Variants in BICRA observed in about 807,000 individuals in gnomAD.
BICRA encodes BRD4-interacting chromatin-remodeling complex-associated protein.
Under a neutral mutation model 96.9 loss-of-function variants are expected in BICRA, and 31 were observed. The observed-to-expected ratio is 0.32, with a 90% CI of 0.24 to 0.43. The LOEUF (loss-of-function observed/expected upper bound fraction) is 0.43. Ranked by LOEUF, BICRA falls within the 20% of genes least tolerant of loss-of-function variation. The probability of loss-of-function intolerance (pLI) is 1.00; values close to 1 mark genes in which losing one functional copy is unlikely to be tolerated. For synonymous variants in BICRA, 1,350 were observed against 1,071.8 expected (o/e 1.26, Z -5.07); for missense variants, 2,283 against 2,190.3 (o/e 1.04, Z -0.84).
chr19:47,694,256 A>T lies in BICRA; in HGVS notation c.2425A>T (p.Ser809Cys). The T allele has an allele frequency of 2.2e-6, 1 of 460,756 alleles. No homozygotes were observed. The highest frequency in any genetic ancestry group is 3.1e-6 in the Non-Finnish European group (1 of 323,822). The allele number at this position is 460,756 out of a possible 1,614,324, so 28.5% of individuals were successfully genotyped here. The change falls in exon 8 of 15, where the codon AGT (serine) becomes TGT (cysteine). Residue 809 changes from serine to cysteine, a missense_variant. Ser to Cys is a moderately radical substitution (Grantham distance 112). Transcript: ENST00000594866. The stretch of plus-strand genomic sequence containing the variant: ...TTCCCGCCCACCCTCCCGGCCACAG[A>T]GTGTGTCCCGCCCTCCCTCAGAGCC... Reference protein sequence around the residue: ...PPSRPPSRPQSVSRPPSEPPL... With the variant: ...PPSRPPSRPQCVSRPPSEPPL...
chr19:47,687,337 T>A (rs1405302896), intron 7 of BICRA, among the ~76,000 whole-genome samples: 1 of 152,224 alleles, frequency 6.6e-6, no homozygotes, highest in Non-Finnish European at 1.5e-5. Context: ...TTCAACTGTT[T>A]AAAAATGTAA....
rs773690432 is a variant in BICRA, at chr19:47,694,690, G to T, written c.2859G>T (p.Leu953=). 4.4e-6 allele frequency: 7 copies of T among 1,578,164 alleles called. No homozygotes were observed. In the African/African-American group the frequency reaches 9.6e-5, roughly 22 times the overall value. ...TGGTGACCACCCCCTTCCCAGCGCTGCCCCAGCCGAAGGCTCTTCTCGAGA... is the reference window on the plus strand; with the variant it reads ...TGGTGACCACCCCCTTCCCAGCGCTTCCCCAGCCGAAGGCTCTTCTCGAGA... ...FQMVTTPFPA[L]PQPKALLERF... The change falls in exon 8 of 15, where the codon CTG becomes CTT. Residue 953 remains leucine (L), a synonymous_variant. Transcript: ENST00000594866.
In BICRA at chr19:47,701,817, C is replaced by T. The variant is rs560545496; in HGVS notation, c.4085C>T (p.Thr1362Met). 5.9e-6 allele frequency: 9 copies of T among 1,532,702 alleles called. 1 individual carries two copies. Among genetic ancestry groups the T allele is most frequent in the Admixed American group, 4.0e-5 (2 of 50,290 alleles). The allele number at this position is 1,532,702 out of a possible 1,614,324, so 94.9% of individuals were successfully genotyped here. A position where few individuals can be genotyped will look rare whatever the true frequency, so the allele number is the denominator to read the frequency against. The change falls in exon 15 of 15, where the codon ACG (threonine) becomes ATG (methionine). Residue 1362 changes from threonine to methionine, a missense_variant. Coordinates refer to ENST00000594866, the MANE Select transcript of BICRA (RefSeq NM_001394372.1). This position sits in a 1 kb window ranked among gnomAD's most constrained non-coding sequence, Gnocchi z 5.4. ...PPPPTGQMNG[T>M]VDHPPPAAPE... ...CCGCCCACGGGCCAGATGAACGGCACGGTGGACCACCCGCCGCCTGCCGCC... is the reference window on the plus strand; with the variant it reads ...CCGCCCACGGGCCAGATGAACGGCATGGTGGACCACCCGCCGCCTGCCGCC...
intron 1 of BICRA, among the ~76,000 whole-genome samples, chr19:47,665,909 A>G (rs1972771506): frequency 6.6e-6 from 1 of 152,238 alleles, no homozygotes; most frequent in Admixed American, 6.5e-5. Flanking sequence ...ATGTGCGGCA[A>G]ACAGCACCAA....
At position 47,701,277 on chromosome 19, in the gene BICRA, C is replaced by A. The variant is rs367973690; in HGVS notation, c.3596-51C>A. 14 of 1,350,424 alleles carry A rather than the reference C, an allele frequency of 1.0e-5. No homozygotes were observed. The highest frequency in any genetic ancestry group is 1.4e-5 in the Non-Finnish European group (13 of 957,206). 83.7% of individuals were successfully genotyped at this position (1,350,424 alleles called of 1,614,324 possible). ...TGCACACAGCTCCTCCCAGCTCGGTCGGGGGGTCCTCATCCTAACCCCGCG... is the reference window on the plus strand; with the variant it reads ...TGCACACAGCTCCTCCCAGCTCGGTAGGGGGGTCCTCATCCTAACCCCGCG... On this transcript the variant is annotated intron_variant, in intron 14 of 14. Transcript: ENST00000594866. The surrounding 1 kb of genome is among the most constrained non-coding windows in gnomAD (Gnocchi z 5.4).
chr19:47,630,353 T>A (rs915356894), intron 1 of BICRA, among the ~76,000 whole-genome samples: 2 of 151,770 alleles, frequency 1.3e-5, no homozygotes, highest in Admixed American at 6.6e-5. Flanking sequence ...GTTTTTTTTT[T>A]AGTAGAGACG....
chr19:47,671,459 C>T (rs990774544), intron 2 of BICRA, among the ~76,000 whole-genome samples: 1 of 152,184 alleles, frequency 6.6e-6, no homozygotes, highest in Admixed American at 6.5e-5. Flanking sequence ...GCTGTAAATT[C>T]CCACCATTCA....
chr19:47,682,060 C>G lies in BICRA; in HGVS notation c.2191C>G (p.Gln731Glu). 1.3e-6 allele frequency: 2 copies of G among 1,537,800 alleles called. No homozygotes were observed. Among genetic ancestry groups the G allele is most frequent in the South Asian group, 2.4e-5 (2 of 84,924 alleles). The change falls in exon 7 of 15, where the codon CAA becomes GAA. Residue 731 changes from glutamine to glutamate, a missense_variant. By Grantham distance (29) the Gln-to-Glu change is conservative. Coordinates refer to ENST00000594866, the MANE Select transcript of BICRA (RefSeq NM_001394372.1). ...SVIVSAPPPA[Q>E]DPAPATPVAK... Reference sequence around the variant, plus strand: ...CATAGTCAGCGCCCCGCCTCCCGCCCAAGACCCAGCCCCAGCCACCCCCGT... The same window carrying G: ...CATAGTCAGCGCCCCGCCTCCCGCCGAAGACCCAGCCCCAGCCACCCCCGT...
In BICRA at chr19:47,681,076, C is replaced by A. The variant is rs938004239; in HGVS notation, c.1906C>A (p.Pro636Thr). ...GCCCCCCGCGGTCAGCACACCCCTG[C>A]CCCTGGGCCTCCAGCAGCCGCAGGC... is the stretch of plus-strand genomic sequence containing the variant. ...QAPPAVSTPL[P>T]LGLQQPQAQQ... Residue 636 changes from proline (P) to threonine (T), a missense_variant, in exon 6 of 15, where the codon CCC becomes ACC. Coordinates refer to ENST00000594866, the MANE Select transcript of BICRA (RefSeq NM_001394372.1). The A allele has an allele frequency of 6.9e-7, 1 of 1,439,158 alleles. No homozygotes were observed. The highest frequency in any genetic ancestry group is 9.1e-7 in the Non-Finnish European group (1 of 1,094,504). The allele number at this position is 1,439,158 out of a possible 1,614,324, so 89.1% of individuals were successfully genotyped here.
chr19:47,673,747 G>A lies in BICRA; in HGVS notation c.69G>A (p.Leu23=), dbSNP rs1420741967. 6.2e-7 allele frequency: 1 copy of A among 1,610,460 alleles called. No individual in the cohort carries two copies. The highest frequency in any genetic ancestry group is 1.7e-5 in the Admixed American group (1 of 59,774). The change falls in exon 4 of 15, where the codon TTG becomes TTA. Residue 23 remains leucine (L), a synonymous_variant. Coordinates refer to ENST00000594866, the MANE Select transcript of BICRA (RefSeq NM_001394372.1). The stretch of plus-strand genomic sequence containing the variant: ...ACCCACAGGCCCTCAATGACTTCTT[G>A]CATGGATCCGAGAAGGTAAGCATGG... ...ICDPQALNDF[L]HGSEKLDSDD... is the part of the protein sequence containing the mutation.
intron 1 of BICRA, among the ~76,000 whole-genome samples, chr19:47,656,869 G>GT (rs775642264): frequency 1.6e-4 from 24 of 148,108 alleles, no homozygotes; most frequent in South Asian, 6.5e-4. Context: ...GATTTGTTTG[G>GT]TTTTTTTTTT....
At chr19:47,681,916 T>G in intron 6 of BICRA, 60 bp from the exon 7 acceptor site, 1 of 1,162,300 alleles carries the variant, frequency 8.6e-7, no homozygotes, top group South Asian at 1.4e-5. Context: ...GGGTCTCGGG[T>G]GGGGAGGTCG....
Position 47,702,281 on chromosome 19 carries a change from C to G in BICRA, c.4549C>G (p.Arg1517Gly), listed in dbSNP as rs754238905. 3 of 1,594,490 alleles carry G rather than the reference C, an allele frequency of 1.9e-6. No individual in the cohort carries two copies. The Admixed American group carries it at 5.0e-5, about 27-fold the overall frequency. ...SILNLQQAPGRTPAPSYPHAA... is the reference protein window; with the variant it reads ...SILNLQQAPGGTPAPSYPHAA... ...CCTGAACCTGCAGCAGGCCCCCGGC[C>G]GGACGCCCGCGCCCTCGTACCCCCA... Residue 1517 changes from arginine to glycine, a missense_variant, in exon 15 of 15, where the codon CGG becomes GGG. Arg to Gly is a moderately radical substitution (Grantham distance 125, BLOSUM62 -2). Transcript: ENST00000594866.
Position 47,680,054 on chromosome 19 carries a change from C to A in BICRA, c.884C>A (p.Ala295Asp). 1 of 1,557,796 alleles carries A rather than the reference C, an allele frequency of 6.4e-7. No individual in the cohort carries two copies. The change falls in exon 6 of 15, where the codon GCC (alanine) becomes GAC (aspartate). Residue 295 changes from alanine to aspartate, a missense_variant. Coordinates refer to ENST00000594866, the MANE Select transcript of BICRA (RefSeq NM_001394372.1). ...CTGGTCATCCAGAAGAACCTCTCGG[C>A]CGCTGTGGCCACCACGCTCAATGGG... Reference protein sequence around the residue: ...AGLVIQKNLSAAVATTLNGNS... With the variant: ...AGLVIQKNLSDAVATTLNGNS...
In BICRA at chr19:47,679,887, C is replaced by T. The variant is rs1192520342; in HGVS notation, c.717C>T (p.Gly239=). 3 of 1,519,740 alleles carry T rather than the reference C, an allele frequency of 2.0e-6. No homozygotes were observed. Among genetic ancestry groups the T allele is most frequent in the Non-Finnish European group, 1.8e-6 (2 of 1,139,966 alleles). 94.1% of individuals were successfully genotyped at this position (1,519,740 alleles called of 1,614,324 possible). ...TLGLAPIQVV[G]QPVMALNTPT... is the part of the protein sequence containing the mutation. Reference sequence around the variant, plus strand: ...GCCTGGCGCCCATCCAGGTGGTGGGCCAGCCCGTCATGGCGCTCAACACGC... The same window carrying T: ...GCCTGGCGCCCATCCAGGTGGTGGGTCAGCCCGTCATGGCGCTCAACACGC... Residue 239 remains glycine, a synonymous_variant, in exon 6 of 15, where the codon GGC becomes GGT. Coordinates refer to ENST00000594866, the MANE Select transcript of BICRA (RefSeq NM_001394372.1).
chr19:47,633,389 C>T (rs1972250949), intron 1 of BICRA, among the ~76,000 whole-genome samples: 1 of 152,006 alleles, frequency 6.6e-6, no homozygotes, highest in African/African-American at 2.4e-5. Flanking sequence ...CGTATTTTTC[C>T]AAGATGGGAT....
intron 1 of BICRA, among the ~76,000 whole-genome samples, chr19:47,627,168 C>G (rs941113140): frequency 6.6e-6 from 1 of 152,174 alleles, no homozygotes; most frequent in Non-Finnish European, 1.5e-5. Context: ...TCTCTTTCTC[C>G]TTTTACGCTT....
chr19:47,615,363 A>G (rs1422505044), intron 1 of BICRA, among the ~76,000 whole-genome samples: 1 of 152,190 alleles, frequency 6.6e-6, no homozygotes, highest in Non-Finnish European at 1.5e-5. Context: ...CAGCATCTCC[A>G]GGCTGCACGT....
Position 47,695,030 on chromosome 19 carries a change from C to A in BICRA, c.3026C>A (p.Thr1009Asn). The A allele has an allele frequency of 1.3e-6, 2 of 1,497,386 alleles. No homozygotes were observed. The highest frequency in any genetic ancestry group is 8.8e-7 in the Non-Finnish European group (1 of 1,133,184). The allele number at this position is 1,497,386 out of a possible 1,614,324, so 92.8% of individuals were successfully genotyped here. Residue 1009 changes from threonine to asparagine, a missense_variant, in exon 9 of 15, where the codon ACC becomes AAC. Thr to Asn is a moderately conservative substitution (Grantham distance 65). Transcript: ENST00000594866. Reference sequence around the variant, plus strand: ...GTCAGTGGGCAGGCCCCATCTGGGACCCCCACTGCCCCCAGCCACGCCCCC... The same window carrying A: ...GTCAGTGGGCAGGCCCCATCTGGGAACCCCACTGCCCCCAGCCACGCCCCC... ...VLVSGQAPSG[T>N]PTAPSHAPAP...
Sources: allele counts gnomAD v4.1 joint callset (sites outside exome capture counted in the v4.1 genomes callset), GRCh38; gene constraint gnomAD v4.1.1; non-coding constraint Gnocchi (gnomAD v3.1); transcripts MANE v1.5; gene names NCBI Gene and HGNC (gene_info 2026-07-23, HGNC 2026-07-21).